Variants in BTBD9 observed in about 807,000 individuals in gnomAD.
BTBD9 encodes the protein BTB domain containing 9.
BTBD9 carries 49 observed loss-of-function variants against 64.3 expected under a neutral mutation model. The observed-to-expected ratio is 0.76, with a 90% CI of 0.61 to 0.97. The LOEUF is 0.97. Ranked by LOEUF, BTBD9 falls within the 50% of genes least tolerant of loss-of-function variation. The pLI is 0.00. For missense variants in BTBD9, 598 were observed against 762.1 expected (o/e 0.78, Z 2.53); for synonymous variants, 260 against 274.7 (o/e 0.95, Z 0.53).
rs1766624890 is a variant in BTBD9, at chr6:38,168,768, G to A, written c.*6217C>T. 1 of 152,232 alleles carries A rather than the reference G, an allele frequency of 6.6e-6. No homozygotes were observed. The highest frequency in any genetic ancestry group is 1.5e-5 in the Non-Finnish European group (1 of 68,066). The allele number at this position is 152,232 out of a possible 1,614,324, so 9.4% of individuals were successfully genotyped here. ...CAGGCCCAGAAACGCCAAAGGCTGG[G>A]AGGCTCTTGTTCTCTGGTGAATCCG... is the stretch of plus-strand genomic sequence containing the variant. On this transcript the variant is annotated 3_prime_UTR_variant, in exon 11 of 11. Transcript: ENST00000481247.
chr6:38,438,841 G>A (rs187468550), intron 6 of BTBD9, among the ~76,000 whole-genome samples: 1 of 152,300 alleles, frequency 6.6e-6, no homozygotes, highest in East Asian at 1.9e-4. Context: ...GAAGATGGGT[G>A]TTTGGCCTTA....
At chr6:38,254,194 T>TTCTGGGAAAA (rs1386132717) in intron 9 of BTBD9, among the ~76,000 whole-genome samples, 3 of 151,604 alleles carry the variant, frequency 2.0e-5, no homozygotes, top group East Asian at 3.9e-4. Flanking sequence ...TTCCTGTCAC[T>TTCTGGGAAAA]TCTGGGAAAA....
chr6:38,596,246 C>A (rs1430989987), intron 2 of BTBD9, among the ~76,000 whole-genome samples: 1 of 152,144 alleles, frequency 6.6e-6, no homozygotes, highest in Non-Finnish European at 1.5e-5. Context: ...AGACTCTGAG[C>A]TTAGCTTAGT....
chr6:38,395,499 C>A (rs986324067), intron 6 of BTBD9, among the ~76,000 whole-genome samples: 10 of 152,132 alleles, frequency 6.6e-5, no homozygotes, highest in African/African-American at 2.4e-4. Flanking sequence ...GAGTAAATGG[C>A]CCTCACCAGA....
chr6:38,291,320 C>T (rs892810848), intron 7 of BTBD9, among the ~76,000 whole-genome samples: 2 of 152,192 alleles, frequency 1.3e-5, no homozygotes, highest in African/African-American at 2.4e-5. Context: ...TATAGGAATG[C>T]TTGTGATTTT....
chr6:38,632,197 T>C (rs1030512254), intron 1 of BTBD9, among the ~76,000 whole-genome samples: 6 of 152,232 alleles, frequency 3.9e-5, no homozygotes, highest in African/African-American at 1.4e-4. Flanking sequence ...ATAGATAACA[T>C]AGAATTTGAT....
chr6:38,351,260 G>C (rs963584995), intron 6 of BTBD9, among the ~76,000 whole-genome samples: 6 of 152,152 alleles, frequency 3.9e-5, no homozygotes, highest in African/African-American at 1.4e-4. Context: ...CTACACACAG[G>C]GCTAAGCAGA....
At chr6:38,380,883 CT>C (rs930833591) in intron 6 of BTBD9, among the ~76,000 whole-genome samples, 1 of 151,802 alleles carries the variant, frequency 6.6e-6, no homozygotes, top group African/African-American at 2.4e-5. Flanking sequence ...AATGGTTTAA[CT>C]TTAGAATAGC....
chr6:38,375,934 A>AGAAAGAAAGAAAGAAAGAAAGAAG (rs1554143846), intron 6 of BTBD9, among the ~76,000 whole-genome samples: 6 of 115,674 alleles, frequency 5.2e-5, no homozygotes, highest in East Asian at 3.6e-4. Flanking sequence ...AAAGAAAGAA[A>AGAAAGAAAGAAAGAAAGAAAGAAG]GAAAGAAGGA....
chr6:38,273,673 C>T (rs866034155), intron 8 of BTBD9, among the ~76,000 whole-genome samples: 2 of 152,118 alleles, frequency 1.3e-5, no homozygotes, highest in African/African-American at 4.8e-5. Context: ...TCATTGCCCC[C>T]CATTGCCTAG....
intron 6 of BTBD9, among the ~76,000 whole-genome samples, chr6:38,555,544 G>A (rs1774977120): frequency 6.6e-6 from 1 of 152,220 alleles, no homozygotes; most frequent in Admixed American, 6.5e-5. Flanking sequence ...AATAGTAGTA[G>A]TAGCAGTAGT....
chr6:38,288,805 T>C (rs1761850507), intron 7 of BTBD9, among the ~76,000 whole-genome samples: 1 of 152,030 alleles, frequency 6.6e-6, no homozygotes, highest in African/African-American at 2.4e-5. Context: ...CGTGTGCCTG[T>C]AGTCCCAGCT....
intron 2 of BTBD9, among the ~76,000 whole-genome samples, chr6:38,597,191 C>T (rs139031166): frequency 1.4e-3 from 211 of 152,308 alleles, no homozygotes; most frequent in African/African-American, 4.8e-3. Context: ...CCAGACACTG[C>T]AGTTATCACT....
chr6:38,483,311 C>A (rs1771248354), intron 6 of BTBD9, among the ~76,000 whole-genome samples: 1 of 151,960 alleles, frequency 6.6e-6, no homozygotes, highest in Non-Finnish European at 1.5e-5. Flanking sequence ...ACCTACTGCC[C>A]TCTCCCATCT....
chr6:38,462,645 A>C (rs1006042670), intron 6 of BTBD9, among the ~76,000 whole-genome samples: 1 of 152,218 alleles, frequency 6.6e-6, no homozygotes, highest in African/African-American at 2.4e-5. Flanking sequence ...GAATTTGAAA[A>C]TAAGCTTGTC....
At chr6:38,484,028 A>G (rs768563194) in intron 6 of BTBD9, among the ~76,000 whole-genome samples, 4 of 152,224 alleles carry the variant, frequency 2.6e-5, no homozygotes, top group South Asian at 4.1e-4. Context: ...GTTTACTGCT[A>G]TATGTCTACT....
At chr6:38,481,117 G>A (rs550642750) in intron 6 of BTBD9, among the ~76,000 whole-genome samples, 1 of 150,060 alleles carries the variant, frequency 6.7e-6, no homozygotes, top group Non-Finnish European at 1.5e-5. Flanking sequence ...AAACAGAAAG[G>A]TTTATTCTAA....
chr6:38,247,040 G>A (rs1262017767), intron 9 of BTBD9, among the ~76,000 whole-genome samples: 1 of 152,022 alleles, frequency 6.6e-6, no homozygotes, highest in African/African-American at 2.4e-5. Context: ...GGTTAGCAGT[G>A]ACCTCCTGGA....
intron 6 of BTBD9, among the ~76,000 whole-genome samples, chr6:38,450,623 C>T (rs1158123467): frequency 2.6e-5 from 4 of 152,144 alleles, no homozygotes; most frequent in Admixed American, 6.5e-5. Context: ...AGCAGAGATG[C>T]TTAGAGAGAG....
Sources: gnomAD v4.1 joint callset for allele counts (sites outside exome capture counted in the v4.1 genomes callset) on GRCh38, gnomAD v4.1.1 for gene constraint, MANE v1.5 for transcripts, NCBI Gene and HGNC (gene_info 2026-07-23, HGNC 2026-07-21) for gene names.